Variants in DCDC1 observed in about 807,000 individuals in gnomAD.
The protein encoded by DCDC1 is doublecortin domain-containing protein 1.
In DCDC1, 200 loss-of-function variants were observed where a neutral mutation model predicts 178.3. The ratio of observed to expected loss-of-function variants is 1.12; its 90% CI spans 1.00 to 1.26. The LOEUF (loss-of-function observed/expected upper bound fraction) is 1.26. Ranked by LOEUF, DCDC1 falls within the 50% of genes most tolerant of loss-of-function variation. The pLI is 0.00. For synonymous variants in DCDC1, 690 were observed against 604.8 expected (o/e 1.14, Z -2.07); for missense variants, 1,983 against 1,749.2 (o/e 1.13, Z -2.38).
intron 20 of DCDC1, among the ~76,000 whole-genome samples, chr11:31,005,063 T>C (rs183055347): frequency 2.6e-5 from 4 of 152,324 alleles, no homozygotes; most frequent in Admixed American, 2.6e-4. Context: ...CTCTCTAACA[T>C]AATTAAAAAT....
chr11:31,077,716 G>A (rs1476487915), intron 18 of DCDC1, 149 bp downstream of exon 18: 2 of 447,684 alleles, frequency 4.5e-6, no homozygotes, highest in Admixed American at 4.1e-5. Flanking sequence ...AAAGTATTGA[G>A]TTAAGTTAAA....
At chr11:31,094,589 C>T (rs1029114575) in intron 15 of DCDC1, among the ~76,000 whole-genome samples, 1 of 152,064 alleles carries the variant, frequency 6.6e-6, no homozygotes, top group African/African-American at 2.4e-5. Flanking sequence ...AAGACGTTAA[C>T]ATGTAAAGCA....
intron 20 of DCDC1, among the ~76,000 whole-genome samples, chr11:31,019,085 C>A (rs1952690696): frequency 6.6e-6 from 1 of 152,136 alleles, no homozygotes; most frequent in African/African-American, 2.4e-5. Flanking sequence ...ACGTGGCCAG[C>A]TGTTTTGTGA....
At position 30,878,596 on chromosome 11, in the gene DCDC1, A is replaced by T. The variant is rs1184508340; in HGVS notation, c.5349T>A (p.His1783Gln). 2 of 1,602,222 alleles carry T rather than the reference A, an allele frequency of 1.2e-6. No homozygotes were observed. Among genetic ancestry groups the T allele is most frequent in the Admixed American group, 3.5e-5 (2 of 57,092 alleles). ...GTTCTGATAGGAGTTAATTGTGGAG[A>T]TGTGCCAGAGACAGCAGCTTCGTGG... ...SPSTKLLSLAHLHN is the reference protein window; with the variant it reads ...SPSTKLLSLAQLHN Residue 1783 changes from histidine (H) to glutamine (Q), a missense_variant, in exon 38 of 39, where the codon CAT (histidine) becomes CAA (glutamine). His to Gln is a conservative substitution (Grantham distance 24, BLOSUM62 0). Transcript: ENST00000684477.
chr11:30,962,698 C>T (rs1199572440), intron 20 of DCDC1, among the ~76,000 whole-genome samples: 1 of 151,914 alleles, frequency 6.6e-6, no homozygotes, highest in African/African-American at 2.4e-5. Context: ...GGATACAAAG[C>T]CAATCCTGAC....
rs142647276 is a variant in DCDC1 at position 31,242,659 on chromosome 11, G to C, written c.1055-1043C>G. On this transcript the variant is annotated intron_variant, in intron 8 of 38. Transcript: ENST00000684477. ...AGGTCCGGCAAAGAAAATAGGTCATGCCGTTAGTTATGTTATATGTTGCAT... is the reference window on the plus strand; with the variant it reads ...AGGTCCGGCAAAGAAAATAGGTCATCCCGTTAGTTATGTTATATGTTGCAT... 2.2e-3 allele frequency among the ~76,000 whole-genome samples: 330 copies of C among 152,006 alleles called. 2 individuals carry two copies. Among genetic ancestry groups the C allele is most frequent in the African/African-American group, 7.3e-3 (303 of 41,502 alleles).
intron 32 of DCDC1, 87 bp from the exon 33 acceptor site, chr11:30,900,585 TATTC>T: frequency 8.2e-7 from 1 of 1,219,452 alleles, no homozygotes; most frequent in Non-Finnish European, 1.1e-6. Flanking sequence ...AATATTTTAT[TATTC>T]ATTAATAACT....
chr11:31,274,813 G>T (rs1365386190), intron 7 of DCDC1, among the ~76,000 whole-genome samples: 6 of 150,910 alleles, frequency 4.0e-5, no homozygotes, highest in Non-Finnish European at 7.4e-5. Context: ...TGATTCTCCT[G>T]CCTCAGTCTC....
chr11:31,192,579 T>A (rs1406441852), intron 9 of DCDC1, among the ~76,000 whole-genome samples: 1 of 152,088 alleles, frequency 6.6e-6, no homozygotes, highest in Non-Finnish European at 1.5e-5. Context: ...TATATTCTAG[T>A]AAGCCTTCTC....
At chr11:31,316,199 T>C (rs1349241422) in intron 3 of DCDC1, among the ~76,000 whole-genome samples, 2 of 48,768 alleles carry the variant, frequency 4.1e-5, no homozygotes, top group East Asian at 9.7e-4. Context: ...CAAATGGTAT[T>C]TCTAGTTCTA....
intron 6 of DCDC1, among the ~76,000 whole-genome samples, chr11:31,292,711 G>A (rs1947321752): frequency 6.6e-6 from 1 of 152,064 alleles, no homozygotes; most frequent in African/African-American, 2.4e-5. Context: ...ACAACAGTGT[G>A]AATGTACTAA....
intron 1 of DCDC1, among the ~76,000 whole-genome samples, chr11:31,366,008 TAAC>T (rs1490954978): frequency 2.0e-5 from 3 of 152,154 alleles, no homozygotes; most frequent in Non-Finnish European, 2.9e-5. Context: ...TAATTAATAA[TAAC>T]AACAATAGCT....
chr11:30,878,652 G>C lies in DCDC1; in HGVS notation c.5293C>G (p.Pro1765Ala), dbSNP rs747565709. The C allele has an allele frequency of 4.3e-6, 7 of 1,611,348 alleles. No homozygotes were observed. Among genetic ancestry groups the C allele is most frequent in the Non-Finnish European group, 5.9e-6 (7 of 1,178,714 alleles). The stretch of plus-strand genomic sequence containing the variant: ...GACACCACAATGTCTGTGGCTTGAG[G>C]GCCCTGCTGCCTTCGGATTCTGGCA... Reference protein sequence around the residue: ...NYARIRRQQGPQATDIVVSPS... With the variant: ...NYARIRRQQGAQATDIVVSPS... Residue 1765 changes from proline to alanine, a missense_variant, in exon 38 of 39, where the codon CCT (proline) becomes GCT (alanine). Coordinates refer to ENST00000684477, the MANE Select transcript of DCDC1 (RefSeq NM_001387274.1).
intron 36 of DCDC1, among the ~76,000 whole-genome samples, chr11:30,887,435 TC>T (rs769530069): frequency 1.4e-3 from 211 of 152,286 alleles, no homozygotes; most frequent in Non-Finnish European, 1.1e-3. Context: ...TTTTAACAGA[TC>T]AACGTAATGT....
intron 17 of DCDC1, among the ~76,000 whole-genome samples, chr11:31,082,742 T>C (rs1321412212): frequency 6.6e-6 from 1 of 152,140 alleles, no homozygotes; most frequent in African/African-American, 2.4e-5. Flanking sequence ...CACTCACACA[T>C]TCATCATTTC....
rs1960777492 is a variant in DCDC1, at chr11:31,121,373, T to C, written c.1485+6096A>G. Among the ~76,000 whole-genome samples the C allele has an allele frequency of 2.0e-5, 3 of 149,534 alleles. No individual in the cohort carries two copies. The Admixed American group carries it at 2.0e-4, about 10-fold the overall frequency. ...TTCCATTTTTTTTTAAACAAGGAAC[T>C]TTCCTATGGCAGAAATGAGCAACCA... On this transcript the variant is annotated intron_variant, in intron 11 of 38. Transcript: ENST00000684477.
At chr11:31,354,939 C>CT (rs1472692657) in intron 1 of DCDC1, among the ~76,000 whole-genome samples, 1 of 149,280 alleles carries the variant, frequency 6.7e-6, no homozygotes, top group Non-Finnish European at 1.5e-5. Context: ...AACTTTTGAC[C>CT]TTTTTTTCCC....
chr11:30,941,558 T>C (rs1262728076), intron 21 of DCDC1, among the ~76,000 whole-genome samples: 1 of 152,148 alleles, frequency 6.6e-6, no homozygotes, highest in Non-Finnish European at 1.5e-5. Context: ...ATCACCTCAA[T>C]GAAGCCTTAC....
intron 9 of DCDC1, among the ~76,000 whole-genome samples, chr11:31,180,283 G>C (rs1398367168): frequency 6.6e-6 from 1 of 152,174 alleles, no homozygotes; most frequent in Non-Finnish European, 1.5e-5. Context: ...CTAGAAGACA[G>C]GCTTTTGAAT....
Sources: allele counts gnomAD v4.1 joint callset (sites outside exome capture counted in the v4.1 genomes callset), GRCh38; gene constraint gnomAD v4.1.1; transcripts MANE v1.5; gene names NCBI Gene and HGNC (gene_info 2026-07-23, HGNC 2026-07-21).